The following SLIT3 variants were observed in gnomAD, a reference collection of about 807,000 sequenced individuals.
SLIT3 encodes slit homolog 3 protein.
Under a neutral mutation model 184.0 loss-of-function variants are expected in SLIT3, and 68 were observed. That is an observed-to-expected ratio of 0.37 (90% CI 0.30 to 0.45). The LOEUF (loss-of-function observed/expected upper bound fraction) is 0.45. Among genes scored for constraint, SLIT3 ranks in the 20% least tolerant of loss-of-function variants. The probability of loss-of-function intolerance (pLI) is 1.00; values close to 1 mark genes in which losing one functional copy is unlikely to be tolerated. For missense variants in SLIT3, 1,707 were observed against 2,026.0 expected, an observed-to-expected ratio of 0.84 and a Z score of 3.02; for synonymous variants, 831 against 828.6, an observed-to-expected ratio of 1.00 and a Z score of -0.05.
At chr5:169,205,695 G>T (rs977757042) in intron 3 of SLIT3, among the ~76,000 whole-genome samples, 41 of 152,330 alleles carry the variant, frequency 2.7e-4, no homozygotes, top group Non-Finnish European at 2.8e-4. Context: ...GGCAAACTTT[G>T]TGAAGAACTG....
At chr5:169,115,880 C>T (rs1760643902) in intron 4 of SLIT3, among the ~76,000 whole-genome samples, 3 of 152,202 alleles carry the variant, frequency 2.0e-5, no homozygotes, top group Admixed American at 2.0e-4. Context: ...AGGCCACCCC[C>T]ACTTTGGACA....
At chr5:168,970,425 G>A (rs60152646) in intron 4 of SLIT3, among the ~76,000 whole-genome samples, 6,001 of 151,822 alleles carry the variant, frequency 0.04, 155 homozygotes, top group Middle Eastern at 0.065. Context: ...AACCCCGCAG[G>A]CGGAGGTTGC....
chr5:169,044,998 G>C (rs1757579919), intron 4 of SLIT3, among the ~76,000 whole-genome samples: 1 of 152,194 alleles, frequency 6.6e-6, no homozygotes, highest in Non-Finnish European at 1.5e-5. Context: ...GGGATGAGAA[G>C]AACTCCTCCA....
chr5:169,032,455 G>A (rs1864984), intron 4 of SLIT3, among the ~76,000 whole-genome samples: 13,611 of 151,380 alleles, frequency 0.09, 959 homozygotes, highest in African/African-American at 0.19. Context: ...TATAAAAATA[G>A]TCATATTTAG....
At chr5:169,158,366 T>G (rs1282203657) in intron 4 of SLIT3, among the ~76,000 whole-genome samples, 1 of 152,104 alleles carries the variant, frequency 6.6e-6, no homozygotes, top group Non-Finnish European at 1.5e-5. Context: ...CCCAGAATTC[T>G]ATATCCAGCC....
At chr5:168,894,606 T>C (rs11134548) in intron 4 of SLIT3, among the ~76,000 whole-genome samples, 53,259 of 152,000 alleles carry the variant, frequency 0.35, 9,953 homozygotes, top group East Asian at 0.6. Context: ...AAGCCTTTGA[T>C]GGGGAAAGGT....
At chr5:168,702,409 C>T (rs1247813733) in intron 26 of SLIT3, among the ~76,000 whole-genome samples, 1 of 152,078 alleles carries the variant, frequency 6.6e-6, no homozygotes, top group African/African-American at 2.4e-5. Context: ...CAGCTGAACC[C>T]AGGCATCCAG....
intron 3 of SLIT3, among the ~76,000 whole-genome samples, chr5:169,226,054 C>T (rs1262416551): frequency 6.6e-6 from 1 of 152,100 alleles, no homozygotes; most frequent in Non-Finnish European, 1.5e-5. Context: ...GAGGGAAAGG[C>T]CAACCGTAGA....
intron 4 of SLIT3, among the ~76,000 whole-genome samples, chr5:169,044,936 C>T (rs1197381503): frequency 6.6e-6 from 1 of 152,166 alleles, no homozygotes; most frequent in Non-Finnish European, 1.5e-5. Context: ...GCTTCCTTAG[C>T]TTCCCACTGC....
intron 22 of SLIT3, 127 bp downstream of exon 22, chr5:168,722,806 G>T: frequency 1.3e-6 from 1 of 743,488 alleles, no homozygotes; most frequent in East Asian, 2.5e-5. Context: ...TGTATCTTAT[G>T]CTAGGGCAGC....
chr5:168,748,398 C>T lies in SLIT3; in HGVS notation c.2174G>A (p.Cys725Tyr), dbSNP rs1374666751. 2.6e-6 allele frequency: 4 copies of T among 1,522,230 alleles called. No individual in the cohort carries two copies. Among genetic ancestry groups the T allele is most frequent in the Non-Finnish European group, 2.6e-6 (3 of 1,146,658 alleles). The allele number at this position is 1,522,230 out of a possible 1,614,324, so 94.3% of individuals were successfully genotyped here. ...EESSCQLSPR[C>Y]PEQCTCMETV... ...CTCCATACAGGTGCACTGCTCCGGGCAGCGCGGGCTCAGCTGGCAGCTACT... is the reference window on the plus strand; with the variant it reads ...CTCCATACAGGTGCACTGCTCCGGGTAGCGCGGGCTCAGCTGGCAGCTACT... Residue 725 changes from cysteine (C) to tyrosine (Y), a missense_variant, in exon 20 of 36, where the codon TGC (cysteine) becomes TAC (tyrosine). Physicochemically the swap from Cys to Tyr is radical, Grantham distance 194 (BLOSUM62 -2). Transcript: ENST00000519560.
In SLIT3 at chr5:168,835,578, G is replaced by A. The variant is rs545082733; in HGVS notation, c.557+9006C>T. Among the ~76,000 whole-genome samples the A allele has an allele frequency of 3.3e-5, 5 of 152,108 alleles. No individual in the cohort carries two copies. The South Asian group carries it at 1.0e-3, about 32-fold the overall frequency. ...AATCCCAGCGCTTTGGGAGGCCGAG[G>A]TGGGCAGATCACTTGAGGTCAGGAG... On this transcript the variant is annotated intron_variant, in intron 6 of 35. Transcript: ENST00000519560.
intron 4 of SLIT3, among the ~76,000 whole-genome samples, chr5:169,116,937 C>A (rs1760689310): frequency 6.6e-6 from 1 of 152,184 alleles, no homozygotes; most frequent in South Asian, 2.1e-4. Context: ...TCCACAGAGC[C>A]TTTCAGATTT....
chr5:169,199,009 T>C (rs1001434518), intron 3 of SLIT3, among the ~76,000 whole-genome samples: 2 of 146,458 alleles, frequency 1.4e-5, no homozygotes, highest in East Asian at 2.0e-4. Flanking sequence ...TATATATAAA[T>C]ACACACACAC....
chr5:169,167,537 A>C (rs919809368), intron 4 of SLIT3, among the ~76,000 whole-genome samples: 7 of 151,812 alleles, frequency 4.6e-5, no homozygotes, highest in African/African-American at 1.7e-4. Context: ...CGGCCTCCCA[A>C]AGTGCTGGGA....
chr5:168,765,887 G>A (rs556342044), intron 14 of SLIT3, among the ~76,000 whole-genome samples: 15 of 152,096 alleles, frequency 9.9e-5, no homozygotes, highest in Non-Finnish European at 1.0e-4. Flanking sequence ...TCAGAACAAC[G>A]ACACTTGGTA....
intron 4 of SLIT3, among the ~76,000 whole-genome samples, chr5:169,183,229 G>A (rs1295970854): frequency 2.0e-5 from 3 of 152,222 alleles, no homozygotes; most frequent in African/African-American, 7.2e-5. Context: ...ACAGGGAATT[G>A]ACTGAGTCCC....
chr5:169,196,229 G>C (rs1763738937), intron 3 of SLIT3, among the ~76,000 whole-genome samples: 1 of 152,136 alleles, frequency 6.6e-6, no homozygotes, highest in South Asian at 2.1e-4. Flanking sequence ...GTTTTGAGTA[G>C]TTCCCATGTA....
At chr5:169,260,790 G>A (rs1482902538) in intron 1 of SLIT3, among the ~76,000 whole-genome samples, 1 of 152,146 alleles carries the variant, frequency 6.6e-6, no homozygotes, top group Non-Finnish European at 1.5e-5. Flanking sequence ...CTAAATGCTG[G>A]TATATAGCTA....
Sources: allele counts gnomAD v4.1 joint callset (sites outside exome capture counted in the v4.1 genomes callset), GRCh38; gene constraint gnomAD v4.1.1; transcripts MANE v1.5; gene names NCBI Gene and HGNC (gene_info 2026-07-23, HGNC 2026-07-21).